Variants in EBF4 observed in about 807,000 individuals in gnomAD.
The protein encoded by EBF4 is transcription factor COE4.
In EBF4, 34 loss-of-function variants were observed where a neutral mutation model predicts 67.1. That is an observed-to-expected ratio of 0.51 (90% CI 0.39 to 0.67). The LOEUF (loss-of-function observed/expected upper bound fraction) is 0.67. Among genes scored for constraint, EBF4 ranks in the 30% least tolerant of loss-of-function variants. EBF4 has a pLI of 0.00. For missense variants in EBF4, 837 were observed against 873.3 expected, an observed-to-expected ratio of 0.96 and a Z score of 0.52; for synonymous variants, 387 against 377.7, an observed-to-expected ratio of 1.02 and a Z score of -0.29.
chr20:2,707,858 G>T lies in EBF4; in HGVS notation c.415-89G>T. The T allele has an allele frequency of 7.6e-7, 1 of 1,321,946 alleles. No individual in the cohort carries two copies. Among genetic ancestry groups the T allele is most frequent in the Non-Finnish European group, 1.0e-6 (1 of 967,448 alleles). The allele number at this position is 1,321,946 out of a possible 1,614,324, so 81.9% of individuals were successfully genotyped here. The stretch of plus-strand genomic sequence containing the variant: ...TGGGGCAGGGTCTCCCTGGGCCTAG[G>T]CTTGGGAGATGCCAGGTCCGTCTGT... On this transcript the variant is annotated intron_variant, in intron 4 of 16. Coordinates refer to ENST00000609451, the Ensembl canonical transcript of EBF4. The surrounding 1 kb of genome is among the most constrained non-coding windows in gnomAD (Gnocchi z 4.6).
Position 2,758,753 on chromosome 20 carries a change from G to A in EBF4, c.1739-156G>A, listed in dbSNP as rs936564361. ...GCATCTGAGAGGCACCCCTCACCCC[G>A]ATCTGCAGTGCTGCCATGGGCCAGG... On this transcript the variant is annotated intron_variant, in intron 15 of 16. Transcript: ENST00000609451. 7.7e-5 allele frequency: 52 copies of A among 672,726 alleles called. No individual in the cohort carries two copies. The Admixed American group carries it at 1.1e-3, about 14-fold the overall frequency. 41.7% of individuals were successfully genotyped at this position (672,726 alleles called of 1,614,324 possible).
At chr20:2,698,774 C>T (rs2087333639) in intron 1 of EBF4, among the ~76,000 whole-genome samples, 1 of 152,178 alleles carries the variant, frequency 6.6e-6, no homozygotes, top group African/African-American at 2.4e-5. Flanking sequence ...GTAGCCCTAG[C>T]ATCCCAGACT....
intron 6 of EBF4, among the ~76,000 whole-genome samples, chr20:2,728,396 G>A (rs2087771325): frequency 6.6e-6 from 1 of 152,154 alleles, no homozygotes; most frequent in South Asian, 2.1e-4. Flanking sequence ...CCTGCCTTGG[G>A]TTTAGTGGTG....
chr20:2,755,698 G>A lies in EBF4; in HGVS notation c.1612G>A (p.Val538Met), dbSNP rs1334916906. Residue 538 changes from valine to methionine, a missense_variant, in exon 15 of 17, where the codon GTG becomes ATG. Around this residue, in one of 3 missense-constraint regions of EBF4, gnomAD observed 525 missense variants for 496.5 expected, o/e 1.06. Transcript: ENST00000609451. This position sits in a 1 kb window ranked among gnomAD's most constrained non-coding sequence, Gnocchi z 4.7. The stretch of plus-strand genomic sequence containing the variant: ...CCCGGCCGCTGCCCCCACCACCAGC[G>A]TGTTCTCCTTCTCGCCTGTCAACAT... 9.9e-6 allele frequency: 15 copies of A among 1,515,090 alleles called. No homozygotes were observed. In the East Asian group the frequency reaches 1.3e-4, roughly 13 times the overall value. 93.9% of individuals were successfully genotyped at this position (1,515,090 alleles called of 1,614,324 possible). A position where few individuals can be genotyped will look rare whatever the true frequency, so the allele number is the denominator to read the frequency against.
Position 2,694,343 on chromosome 20 carries a change from T to G in EBF4, c.137+561T>G, listed in dbSNP as rs151113432. Reference sequence around the variant, plus strand: ...TGGCTGGACTGATTGGCCTGGGAACTGGGCAGGGCCCCTGCCTTTCCCTCG... The same window carrying G: ...TGGCTGGACTGATTGGCCTGGGAACGGGGCAGGGCCCCTGCCTTTCCCTCG... On this transcript the variant is annotated intron_variant, in intron 1 of 16. Coordinates refer to ENST00000609451, the Ensembl canonical transcript of EBF4. Among the ~76,000 whole-genome samples, 133 of 152,286 alleles carry G rather than the reference T, an allele frequency of 8.7e-4. No homozygotes were observed. The East Asian group carries it at 0.024, about 27-fold the overall frequency.
chr20:2,697,505 A>G (rs1191387117), intron 1 of EBF4, among the ~76,000 whole-genome samples: 7 of 151,424 alleles, frequency 4.6e-5, no homozygotes, highest in South Asian at 2.1e-4. Flanking sequence ...AGATCGCGCC[A>G]CTGCACTCCA....
chr20:2,694,310 A>C (rs1178533125), intron 1 of EBF4, among the ~76,000 whole-genome samples: 1 of 152,214 alleles, frequency 6.6e-6, no homozygotes, highest in Non-Finnish European at 1.5e-5. Context: ...TGAGGTGGGC[A>C]GTCGGCCTGG....
chr20:2,750,175 C>G (rs1459341545), intron 10 of EBF4, among the ~76,000 whole-genome samples: 4 of 152,050 alleles, frequency 2.6e-5, no homozygotes, highest in African/African-American at 4.8e-5. Context: ...CTGTGTGTTT[C>G]CCTCCCTGGC....
chr20:2,748,668 C>A, intron 7 of EBF4, 38 bp downstream of exon 7: 1 of 1,539,440 alleles, frequency 6.5e-7, no homozygotes. Flanking sequence ...GCAACCCCAC[C>A]CTTTCCTGAT....
In EBF4 at chr20:2,751,708, G is replaced by A; in HGVS notation, c.1027G>A (p.Glu343Lys). Reference sequence around the variant, plus strand: ...GCCGCCCCCTTCCCCAGCTCTGAACGAGCCCACCATTGACTACGGATTCCA... The same window carrying A: ...GCCGCCCCCTTCCCCAGCTCTGAACAAGCCCACCATTGACTACGGATTCCA... The change falls in exon 11 of 17, where the codon GAG becomes AAG. Residue 343 changes from glutamate to lysine, a missense_variant. This residue lies in a region of EBF4 where 525 missense variants were observed against 496.5 expected (regional missense o/e 1.06). Transcript: ENST00000609451. This position sits in a 1 kb window ranked among gnomAD's most constrained non-coding sequence, Gnocchi z 5.2. 6.4e-7 allele frequency: 1 copy of A among 1,550,564 alleles called. No homozygotes were observed. The highest frequency in any genetic ancestry group is 8.7e-7 in the Non-Finnish European group (1 of 1,146,682).
intron 6 of EBF4, among the ~76,000 whole-genome samples, chr20:2,714,100 G>A (rs572443561): frequency 6.6e-6 from 1 of 152,272 alleles, no homozygotes; most frequent in South Asian, 2.1e-4. Flanking sequence ...AACAAGCAGT[G>A]GTTACCGTAA....
intron 6 of EBF4, 93 bp downstream of exon 6, chr20:2,709,735 G>A: frequency 2.3e-6 from 3 of 1,301,800 alleles, no homozygotes; most frequent in Non-Finnish European, 3.0e-6. Context: ...CAAGGGAGGA[G>A]CGGAGCAGCC....
rs1429771823 is a variant in EBF4 at position 2,751,731 on chromosome 20, C to A, written c.1050C>A (p.Phe350Leu). 6.4e-7 allele frequency: 1 copy of A among 1,551,010 alleles called. No individual in the cohort carries two copies. The highest frequency in any genetic ancestry group is 1.2e-5 in the South Asian group (1 of 84,066). The change falls in exon 11 of 17, where the codon TTC becomes TTA. Residue 350 changes from phenylalanine (F) to leucine (L), a missense_variant. Coordinates refer to ENST00000609451, the Ensembl canonical transcript of EBF4. This position sits in a 1 kb window ranked among gnomAD's most constrained non-coding sequence, Gnocchi z 5.2. ...ACGAGCCCACCATTGACTACGGATTCCAGAGGCTACAGAAAGTCATTCCCA... is the reference window on the plus strand; with the variant it reads ...ACGAGCCCACCATTGACTACGGATTACAGAGGCTACAGAAAGTCATTCCCA...
Position 2,704,508 on chromosome 20 carries a change from G to A in EBF4, c.138-1069G>A, listed in dbSNP as rs188086823. On this transcript the variant is annotated intron_variant, in intron 1 of 16. Coordinates refer to ENST00000609451, the Ensembl canonical transcript of EBF4. Reference sequence around the variant, plus strand: ...TTTCACTTCGCTTTTTGACACCTGCGGTACAGCAGCAGCCTCTACACATCC... The same window carrying A: ...TTTCACTTCGCTTTTTGACACCTGCAGTACAGCAGCAGCCTCTACACATCC... Among the ~76,000 whole-genome samples the A allele has an allele frequency of 1.2e-4, 18 of 152,234 alleles. No homozygotes were observed. The East Asian group carries it at 1.5e-3, about 13-fold the overall frequency.
chr20:2,753,624 A>G (rs2088193029), intron 14 of EBF4, among the ~76,000 whole-genome samples: 2 of 152,222 alleles, frequency 1.3e-5, no homozygotes, highest in African/African-American at 4.8e-5. Flanking sequence ...GCTGTCCCAG[A>G]AGGAACTGGT....
Position 2,751,584 on chromosome 20 carries a change from G to A in EBF4, c.1019-116G>A. ...GGGACTTGGGCTGGGCCTGGTGGAG[G>A]GGGCTGCAGCGAGGCTCTCGGACTG... is the stretch of plus-strand genomic sequence containing the variant. On this transcript the variant is annotated intron_variant, in intron 10 of 16. Transcript: ENST00000609451. This position sits in a 1 kb window ranked among gnomAD's most constrained non-coding sequence, Gnocchi z 5.2. 9.7e-7 allele frequency: 1 copy of A among 1,035,680 alleles called. No individual in the cohort carries two copies. The highest frequency in any genetic ancestry group is 1.5e-5 in the South Asian group (1 of 68,526). 64.2% of individuals were successfully genotyped at this position (1,035,680 alleles called of 1,614,324 possible).
chr20:2,714,550 C>T (rs1357744806), intron 6 of EBF4, among the ~76,000 whole-genome samples: 1 of 152,154 alleles, frequency 6.6e-6, no homozygotes, highest in Non-Finnish European at 1.5e-5. Flanking sequence ...TGGGGTTTTG[C>T]CATGTTGCCC....
intron 6 of EBF4, among the ~76,000 whole-genome samples, chr20:2,710,510 T>G (rs1223344589): frequency 6.6e-6 from 1 of 151,584 alleles, no homozygotes; most frequent in Non-Finnish European, 1.5e-5. Context: ...TACAAAACAG[T>G]AAATAATGAA....
chr20:2,744,416 G>T (rs188935691), intron 6 of EBF4, among the ~76,000 whole-genome samples: 30 of 150,978 alleles, frequency 2.0e-4, no homozygotes, highest in Non-Finnish European at 3.7e-4. Context: ...AGCATTGTCC[G>T]ATATTAATAT....
Sources: allele counts gnomAD v4.1 joint callset (sites outside exome capture counted in the v4.1 genomes callset), GRCh38; gene constraint gnomAD v4.1.1; regional missense constraint gnomAD v4.1.1; non-coding constraint Gnocchi (gnomAD v3.1); transcripts MANE v1.5; gene names NCBI Gene and HGNC (gene_info 2026-07-23, HGNC 2026-07-21).